The following NHS variants were observed in gnomAD, a reference collection of about 807,000 sequenced individuals.
NHS encodes NHS actin remodeling regulator, also known as actin remodeling regulator NHS.
A neutral mutation model predicts 72.5 loss-of-function variants in NHS; 5 were observed. That is an observed-to-expected ratio of 0.07 (90% CI 0.04 to 0.14). The LOEUF is 0.14. NHS is among the 10% of genes least tolerant of loss of function. The pLI, the probability that NHS is intolerant of heterozygous loss-of-function variation, is 1.00. For missense variants in NHS, 1,072 were observed against 1,355.7 expected (o/e 0.79, Z 3.29); for synonymous variants, 464 against 547.7 (o/e 0.85, Z 2.13).
At chrX:17,725,098 G>A (rs936824233) in intron 6 of NHS, among the ~76,000 whole-genome samples, 10 of 111,264 alleles carry the variant, frequency 9.0e-5, no homozygotes, top group African/African-American at 3.3e-4. Flanking sequence ...AGTGAAGAGA[G>A]GGATAATTCA....
At chrX:17,443,194 T>C (rs2064764077) in intron 1 of NHS, among the ~76,000 whole-genome samples, 1 of 112,518 alleles carries the variant, frequency 8.9e-6, no homozygotes, top group Admixed American at 9.4e-5. Context: ...TACTATGTTA[T>C]AGAGTTGTTG....
At chrX:17,541,767 A>AAC (rs57700886) in intron 1 of NHS, among the ~76,000 whole-genome samples, 3,543 of 62,861 alleles carry the variant, frequency 0.056, 130 homozygotes, top group Middle Eastern at 0.1. Context: ...TGAGTTTGCG[A>AAC]ACACACACAC....
chrX:17,409,534 A>AT (rs1433436447), intron 1 of NHS, among the ~76,000 whole-genome samples: 2 of 111,096 alleles, frequency 1.8e-5, no homozygotes, highest in African/African-American at 6.6e-5. Flanking sequence ...ACATCTCCCA[A>AT]ATCTCAATGG....
intron 1 of NHS, among the ~76,000 whole-genome samples, chrX:17,666,844 C>G (rs1331590347): frequency 8.9e-6 from 1 of 112,274 alleles, no homozygotes; most frequent in Non-Finnish European, 1.9e-5. Context: ...AAAGAGAGAA[C>G]AAAGGCTCTT....
At chrX:17,663,474 A>G (rs894730046) in intron 1 of NHS, among the ~76,000 whole-genome samples, 1 of 112,176 alleles carries the variant, frequency 8.9e-6, no homozygotes, top group African/African-American at 3.2e-5. Flanking sequence ...TATAAATTGA[A>G]TCATAAGTAT....
intron 2 of NHS, among the ~76,000 whole-genome samples, chrX:17,690,981 C>A (rs1415508871): frequency 9.0e-6 from 1 of 111,520 alleles, no homozygotes; most frequent in African/African-American, 3.3e-5. Flanking sequence ...TTTCATTGGT[C>A]TAAGGGAATA....
chrX:17,416,812 G>GTGTGTT (rs1389989746), intron 1 of NHS, among the ~76,000 whole-genome samples: 5 of 104,595 alleles, frequency 4.8e-5, no homozygotes, highest in African/African-American at 2.0e-4. Context: ...GTGTGTGTGT[G>GTGTGTT]TGTGTGTGAG....
At chrX:17,392,364 C>G (rs1946725842) in intron 1 of NHS, among the ~76,000 whole-genome samples, 1 of 112,336 alleles carries the variant, frequency 8.9e-6, no homozygotes, top group South Asian at 3.7e-4. Flanking sequence ...ATATTTGTTA[C>G]AGCAGTTAGC....
rs181513054 is a variant in NHS at position 17,650,933 on chromosome X, G to A, written c.566-36809G>A. Among the ~76,000 whole-genome samples, 257 of 112,044 alleles carry A rather than the reference G, an allele frequency of 2.3e-3. 3 individuals are homozygous for A. Among genetic ancestry groups the A allele is most frequent in the African/African-American group, 7.9e-3 (244 of 30,822 alleles). On this transcript the variant is annotated intron_variant, in intron 1 of 8. Transcript: ENST00000676302. ...GGACAGAACTGGAATCTGTATCGTG[G>A]AGTCCCCCAAGATGGCTAGTAGAAG...
At chrX:17,583,627 C>T (rs900097857) in intron 1 of NHS, among the ~76,000 whole-genome samples, 1 of 112,134 alleles carries the variant, frequency 8.9e-6, no homozygotes, top group Admixed American at 9.5e-5. Flanking sequence ...GGAGGAATTC[C>T]CTCAGCAGAT....
intron 1 of NHS, among the ~76,000 whole-genome samples, chrX:17,630,720 T>C (rs2147067866): frequency 8.9e-6 from 1 of 111,861 alleles, no homozygotes; most frequent in African/African-American, 3.2e-5. Flanking sequence ...GAGCACTCCC[T>C]CCATACATTA....
chrX:17,701,060 C>T (rs1439081056), intron 3 of NHS, among the ~76,000 whole-genome samples: 2 of 112,093 alleles, frequency 1.8e-5, no homozygotes, highest in Non-Finnish European at 3.8e-5. Flanking sequence ...CATTGTTTTA[C>T]AATTACCTAC....
intron 1 of NHS, among the ~76,000 whole-genome samples, chrX:17,511,525 T>C (rs1312021037): frequency 9.0e-6 from 1 of 111,630 alleles, no homozygotes; most frequent in Non-Finnish European, 1.9e-5. Flanking sequence ...AAAAAGCTTC[T>C]TAGGCCCTTC....
At chrX:17,392,547 G>A (rs1037072153) in intron 1 of NHS, among the ~76,000 whole-genome samples, 4 of 111,841 alleles carry the variant, frequency 3.6e-5, no homozygotes, top group African/African-American at 1.3e-4. Flanking sequence ...ATGTGTGACC[G>A]GAAGCCATGT....
At chrX:17,594,805 C>T (rs1385670387) in intron 1 of NHS, among the ~76,000 whole-genome samples, 2 of 112,638 alleles carry the variant, frequency 1.8e-5, no homozygotes, top group Non-Finnish European at 3.8e-5. Flanking sequence ...GTGGCCTTAG[C>T]TAAAGACTAG....
Position 17,493,738 on chromosome X carries a change from T to C in NHS, c.565+117416T>C, listed in dbSNP as rs73636649. ...AGAATCTCAGGCCCCACGCCAGATC[T>C]ACTGAGTCAGAATCTGCATTTAAAC... On this transcript the variant is annotated intron_variant, in intron 1 of 8. Coordinates refer to ENST00000676302, the MANE Select transcript of NHS (RefSeq NM_001291867.2). Among the ~76,000 whole-genome samples the C allele has an allele frequency of 7.6e-3, 856 of 112,037 alleles. 10 individuals carry two copies. Among genetic ancestry groups the C allele is most frequent in the African/African-American group, 0.027 (824 of 30,896 alleles).
At position 17,524,899 on chromosome X, in the gene NHS, G is replaced by C. The variant is rs931211984; in HGVS notation, c.565+148577G>C. ...AGCATTCATTGAGGATTCTTGCCTG[G>C]ATAATGATTTACTCTAATGGTTTCA... On this transcript the variant is annotated intron_variant, in intron 1 of 8. Coordinates refer to ENST00000676302, the MANE Select transcript of NHS (RefSeq NM_001291867.2). 2.7e-5 allele frequency among the ~76,000 whole-genome samples: 3 copies of C among 112,175 alleles called. No homozygotes were observed. In the East Asian group the frequency reaches 8.4e-4, roughly 31 times the overall value.
chrX:17,514,825 G>A (rs986999150), intron 1 of NHS, among the ~76,000 whole-genome samples: 1 of 111,669 alleles, frequency 9.0e-6, no homozygotes, highest in East Asian at 2.8e-4. Context: ...TTATAGGGCT[G>A]TTTCCTTTGT....
At chrX:17,565,616 C>T (rs1156258017) in intron 1 of NHS, among the ~76,000 whole-genome samples, 1 of 111,868 alleles carries the variant, frequency 8.9e-6, no homozygotes. Flanking sequence ...ACCAGCCTTG[C>T]AGTGGGCACC....
Sources: gnomAD v4.1 joint callset for allele counts (sites outside exome capture counted in the v4.1 genomes callset) on GRCh38, gnomAD v4.1.1 for gene constraint, MANE v1.5 for transcripts, NCBI Gene and HGNC (gene_info 2026-07-23, HGNC 2026-07-21) for gene names.